Variants in EXOC6B observed in about 807,000 individuals in gnomAD.
EXOC6B encodes exocyst complex component 6B.
EXOC6B carries 54 observed loss-of-function variants against 113.5 expected under a neutral mutation model. The observed-to-expected ratio is 0.48, with a 90% confidence interval of 0.38 to 0.60. EXOC6B has a LOEUF of 0.60. Among genes scored for constraint, EXOC6B ranks in the 20% least tolerant of loss-of-function variants. The pLI is 0.00. For synonymous variants in EXOC6B, 357 were observed against 339.0 expected (o/e 1.05, Z -0.58); for missense variants, 797 against 977.5 (o/e 0.82, Z 2.46).
rs35799079 is a variant in EXOC6B, at chr2:72,366,280, TAA to T, written c.2122+13447_2122+13448del. On this transcript the variant is annotated intron_variant, in intron 19 of 21. Coordinates refer to ENST00000272427, the MANE Select transcript of EXOC6B (RefSeq NM_015189.3). ...GAACAAAATGGAGTTCATATAAAAG[TAA>T]AAAAAAAAACACCTCAAATGACAAA... 2.6e-3 allele frequency among the ~76,000 whole-genome samples: 362 copies of T among 141,140 alleles called. 1 individual carries two copies. Among genetic ancestry groups the T allele is most frequent in the African/African-American group, 8.7e-3 (338 of 38,776 alleles). 92.6% of individuals were successfully genotyped at this position (141,140 alleles called of 152,430 possible).
intron 18 of EXOC6B, among the ~76,000 whole-genome samples, chr2:72,389,629 C>A (rs1692249838): frequency 6.6e-6 from 1 of 151,918 alleles, no homozygotes; most frequent in Admixed American, 6.6e-5. Context: ...CATTATTATA[C>A]CTTAATTTTT....
intron 6 of EXOC6B, among the ~76,000 whole-genome samples, chr2:72,621,415 A>G (rs537864966): frequency 1.3e-5 from 2 of 152,174 alleles, no homozygotes; most frequent in Non-Finnish European, 2.9e-5. Flanking sequence ...CAGAAAACCA[A>G]ATACTGCATG....
intron 6 of EXOC6B, among the ~76,000 whole-genome samples, chr2:72,715,518 C>A (rs1440581490): frequency 6.7e-6 from 1 of 150,348 alleles, no homozygotes. Flanking sequence ...GAAAAGCCAG[C>A]GTGCAGCTAG....
In EXOC6B at chr2:72,657,863, A is replaced by C. The variant is rs1257182771; in HGVS notation, c.669+60240T>G. Among the ~76,000 whole-genome samples the C allele has an allele frequency of 2.0e-5, 3 of 151,418 alleles. No homozygotes were observed. The East Asian group carries it at 5.8e-4, about 29-fold the overall frequency. The stretch of plus-strand genomic sequence containing the variant: ...TTCACAATATACTACTTGACTTTAA[A>C]AGCTAATCACATAAAGAATCACAAA... On this transcript the variant is annotated intron_variant, in intron 6 of 21. Transcript: ENST00000272427.
Position 72,781,844 on chromosome 2 carries a change from T to C in EXOC6B, c.114-40375A>G, listed in dbSNP as rs1018603618. On this transcript the variant is annotated intron_variant, in intron 1 of 21. Transcript: ENST00000272427. ...TACGTACCTGGAAGGGAAAAAGAAATATTGAGTATATAGGCCAGGCGCAGT... is the reference window on the plus strand; with the variant it reads ...TACGTACCTGGAAGGGAAAAAGAAACATTGAGTATATAGGCCAGGCGCAGT... 2.6e-5 allele frequency among the ~76,000 whole-genome samples: 4 copies of C among 151,778 alleles called. No homozygotes were observed. In the East Asian group the frequency reaches 7.7e-4, roughly 29 times the overall value.
At chr2:72,564,331 A>G (rs1704047439) in intron 7 of EXOC6B, among the ~76,000 whole-genome samples, 1 of 152,210 alleles carries the variant, frequency 6.6e-6, no homozygotes, top group South Asian at 2.1e-4. Context: ...AAGGCTTTCA[A>G]AGTAGATGGA....
At chr2:72,784,029 G>A (rs184675929) in intron 1 of EXOC6B, among the ~76,000 whole-genome samples, 163 of 152,204 alleles carry the variant, frequency 1.1e-3, no homozygotes, top group Non-Finnish European at 1.7e-3. Context: ...TTTTGTAAAC[G>A]GTGAGGGGGT....
At chr2:72,573,590 T>C (rs902686373) in intron 7 of EXOC6B, among the ~76,000 whole-genome samples, 4 of 152,184 alleles carry the variant, frequency 2.6e-5, no homozygotes, top group Admixed American at 6.5e-5. Context: ...AGTGGCCCAA[T>C]AGATAACACT....
chr2:72,186,522 A>C (rs971985633), intron 20 of EXOC6B, among the ~76,000 whole-genome samples: 1 of 139,756 alleles, frequency 7.2e-6, no homozygotes, highest in Non-Finnish European at 1.5e-5. Context: ...TTTTCAATTA[A>C]AATTTTTTTC....
intron 18 of EXOC6B, among the ~76,000 whole-genome samples, chr2:72,384,207 CTCTATAGCT>C (rs1691858789): frequency 6.6e-6 from 1 of 151,876 alleles, no homozygotes; most frequent in African/African-American, 2.4e-5. Context: ...AGGTGTGAGA[CTCTATAGCT>C]TTTCAACAAT....
At chr2:72,671,574 T>C (rs919534982) in intron 6 of EXOC6B, among the ~76,000 whole-genome samples, 8 of 151,928 alleles carry the variant, frequency 5.3e-5, no homozygotes, top group Admixed American at 4.6e-4. Context: ...GGTGGGTGCC[T>C]GTAATCCCAG....
intron 12 of EXOC6B, 69 bp downstream of exon 12, chr2:72,499,832 T>A: frequency 9.0e-7 from 1 of 1,108,922 alleles, no homozygotes; most frequent in Non-Finnish European, 1.3e-6. Flanking sequence ...CCAGACCCAG[T>A]CAAGAAAAAG....
intron 14 of EXOC6B, 127 bp downstream of exon 14, chr2:72,496,321 AGAATCC>A: frequency 1.7e-6 from 1 of 577,084 alleles, no homozygotes; most frequent in Non-Finnish European, 3.1e-6. Flanking sequence ...AAAAGAAAAA[AGAATCC>A]TTTGAAATTG....
At chr2:72,403,426 C>T (rs2105180933) in intron 18 of EXOC6B, among the ~76,000 whole-genome samples, 1 of 152,190 alleles carries the variant, frequency 6.6e-6, no homozygotes, top group Admixed American at 6.5e-5. Context: ...GTGGCTCATA[C>T]CTATAATCAC....
intron 18 of EXOC6B, among the ~76,000 whole-genome samples, chr2:72,401,460 AT>A (rs1388269192): frequency 3.0e-5 from 4 of 133,070 alleles, no homozygotes; most frequent in African/African-American, 1.1e-4. Flanking sequence ...AAAACTCCGT[AT>A]TTAAAAAAAA....
At chr2:72,375,765 A>G (rs1312334496) in intron 19 of EXOC6B, among the ~76,000 whole-genome samples, 1 of 152,210 alleles carries the variant, frequency 6.6e-6, no homozygotes, top group Non-Finnish European at 1.5e-5. Context: ...ACAAAAGAAG[A>G]GCAAATAAAC....
intron 6 of EXOC6B, among the ~76,000 whole-genome samples, chr2:72,587,934 T>C (rs1215187768): frequency 6.6e-6 from 1 of 151,892 alleles, no homozygotes; most frequent in East Asian, 1.9e-4. Flanking sequence ...TATGAACAGA[T>C]GTCAACATCA....
intron 20 of EXOC6B, among the ~76,000 whole-genome samples, chr2:72,313,793 T>C (rs536584068): frequency 1.3e-5 from 2 of 152,282 alleles, no homozygotes; most frequent in South Asian, 4.1e-4. Flanking sequence ...AAAAATCACA[T>C]TTTGAGGAGT....
At chr2:72,253,255 A>C (rs1367730083) in intron 20 of EXOC6B, among the ~76,000 whole-genome samples, 1 of 152,212 alleles carries the variant, frequency 6.6e-6, no homozygotes, top group Non-Finnish European at 1.5e-5. Flanking sequence ...TGGGAATGTA[A>C]ATTAGTTCAG....
Sources: gnomAD v4.1 joint callset for allele counts (sites outside exome capture counted in the v4.1 genomes callset) on GRCh38, gnomAD v4.1.1 for gene constraint, MANE v1.5 for transcripts, NCBI Gene and HGNC (gene_info 2026-07-23, HGNC 2026-07-21) for gene names.